CWC22: variants seen among roughly 807,000 people sequenced by gnomAD.
CWC22 encodes the protein CWC22 spliceosome associated protein, also known as pre-mRNA-splicing factor CWC22 homolog.
CWC22 carries 53 observed loss-of-function variants against 117.2 expected under a neutral mutation model. The ratio of observed to expected loss-of-function variants is 0.45; its 90% CI spans 0.36 to 0.57. The LOEUF is 0.57. CWC22 is among the 20% of genes least tolerant of loss of function. The probability of loss-of-function intolerance (pLI) is 0.00; values close to 1 mark genes in which losing one functional copy is unlikely to be tolerated. For missense variants in CWC22, 980 were observed against 1,068.8 expected (o/e 0.92, Z 1.16); for synonymous variants, 360 against 355.6 (o/e 1.01, Z -0.14).
At chr2:179,989,067 C>A (rs78040299) in intron 2 of CWC22, among the ~76,000 whole-genome samples, 1 of 151,834 alleles carries the variant, frequency 6.6e-6, no homozygotes, top group Non-Finnish European at 1.5e-5. Flanking sequence ...TTATCCCTAA[C>A]CACCCCCCTA....
chr2:179,969,651 T>G (rs1223144589), intron 11 of CWC22, among the ~76,000 whole-genome samples: 2 of 152,232 alleles, frequency 1.3e-5, no homozygotes, highest in East Asian at 3.8e-4. Flanking sequence ...ACTCTTTACA[T>G]TTCTATTATA....
At chr2:179,983,672 G>C (rs1687341869) in intron 4 of CWC22, among the ~76,000 whole-genome samples, 1 of 152,016 alleles carries the variant, frequency 6.6e-6, no homozygotes, top group South Asian at 2.1e-4. Context: ...TGAAACTGAG[G>C]TATAAGAGAC....
intron 11 of CWC22, 87 bp from the exon 12 acceptor site, chr2:179,966,069 G>T: frequency 9.9e-7 from 1 of 1,012,098 alleles, no homozygotes. Context: ...TCAGTTCGTT[G>T]AAATCCACTG....
At chr2:179,967,946 G>A (rs990183597) in intron 11 of CWC22, among the ~76,000 whole-genome samples, 28 of 152,032 alleles carry the variant, frequency 1.8e-4, no homozygotes, top group African/African-American at 6.5e-4. Flanking sequence ...CAATATCTGC[G>A]ATGATGAAAA....
In CWC22 at chr2:179,955,013, G is replaced by A. The variant is rs1686548596; in HGVS notation, c.1480C>T (p.Leu494Phe). The stretch of plus-strand genomic sequence containing the variant: ...GTCCTCTGTTGGGCACAGCAATCAA[G>A]TATCATGTTGCAGAGTTCTTTCTAT... ...SQTKELCNMI[L>F]DCCAQQRTYE... is the part of the protein sequence containing the mutation. Residue 494 changes from leucine to phenylalanine, a missense_variant, in exon 15 of 20, where the codon CTT (leucine) becomes TTT (phenylalanine). By Grantham distance (22) the Leu-to-Phe change is conservative. Coordinates refer to ENST00000410053, the MANE Select transcript of CWC22 (RefSeq NM_020943.3). 1 of 1,599,776 alleles carries A rather than the reference G, an allele frequency of 6.3e-7. No individual in the cohort carries two copies. The highest frequency in any genetic ancestry group is 1.1e-5 in the South Asian group (1 of 88,346).
intron 6 of CWC22, among the ~76,000 whole-genome samples, chr2:179,975,318 G>A (rs1032930509): frequency 5.3e-5 from 8 of 151,792 alleles, no homozygotes; most frequent in South Asian, 4.2e-4. Context: ...CATATATGAC[G>A]AACCCATAGC....
chr2:179,974,931 T>C (rs919821535), intron 6 of CWC22, among the ~76,000 whole-genome samples: 3 of 152,134 alleles, frequency 2.0e-5, no homozygotes, highest in South Asian at 2.1e-4. Context: ...GTATTTTTCA[T>C]AGAGACAGGT....
chr2:179,970,751 T>C lies in CWC22; in HGVS notation c.1046A>G (p.Asp349Gly). 1 of 1,613,714 alleles carries C rather than the reference T, an allele frequency of 6.2e-7. No homozygotes were observed. ...MFAVRKDGFK[D>G]HPIILEGLDL... is the part of the protein sequence containing the mutation. ...AAGACCTTCTAGGATAATGGGGTGG[T>C]CCTTGAATCCATCTTTCCGTACAGC... is the stretch of plus-strand genomic sequence containing the variant. The change falls in exon 10 of 20, where the codon GAC becomes GGC. Residue 349 changes from aspartate (D) to glycine (G), a missense_variant. By Grantham distance (94) the Asp-to-Gly change is moderately conservative. Around this residue, in one of 3 missense-constraint regions of CWC22, gnomAD observed 559 missense variants for 602.3 expected, o/e 0.93. Transcript: ENST00000410053.
In CWC22 at chr2:179,955,028, G is replaced by C. The variant is rs925459151; in HGVS notation, c.1465C>G (p.Leu489Val). The C allele has an allele frequency of 2.5e-6, 4 of 1,594,700 alleles. No individual in the cohort carries two copies. In the East Asian group the frequency reaches 9.0e-5, roughly 36 times the overall value. ...MEFPESQTKE[L>V]CNMILDCCAQ... is the part of the protein sequence containing the mutation. ...CAGCAATCAAGTATCATGTTGCAGA[G>C]TTCTTTCTATTTGGGAAAAAAAATA... The change falls in exon 15 of 20, where the codon CTC becomes GTC. Residue 489 changes from leucine to valine, a missense_variant. Leu to Val is a conservative substitution (Grantham distance 32, BLOSUM62 1). Coordinates refer to ENST00000410053, the MANE Select transcript of CWC22 (RefSeq NM_020943.3).
At chr2:179,960,648 G>A (rs1210460223) in intron 13 of CWC22, among the ~76,000 whole-genome samples, 1 of 151,910 alleles carries the variant, frequency 6.6e-6, no homozygotes, top group East Asian at 1.9e-4. Flanking sequence ...TTATAGATGA[G>A]AAAAATGAGA....
chr2:179,957,840 TAG>T (rs1027738491), intron 14 of CWC22, among the ~76,000 whole-genome samples: 1 of 47,980 alleles, frequency 2.1e-5, no homozygotes, highest in African/African-American at 8.1e-5. Context: ...TAATATACAT[TAG>T]AAAAAAAAAA....
At chr2:179,975,900 A>G (rs1687141853) in intron 6 of CWC22, among the ~76,000 whole-genome samples, 1 of 152,198 alleles carries the variant, frequency 6.6e-6, no homozygotes, top group Admixed American at 6.5e-5. Context: ...AAATAGAAAA[A>G]ACAATCCTAA....
chr2:180,006,141 A>C (rs1398039725), intron 1 of CWC22, among the ~76,000 whole-genome samples: 1 of 151,906 alleles, frequency 6.6e-6, no homozygotes, highest in East Asian at 1.9e-4. Flanking sequence ...CTGAGAACCA[A>C]GTTTGCTTGC....
intron 17 of CWC22, among the ~76,000 whole-genome samples, chr2:179,952,072 T>G (rs182718602): frequency 5.1e-4 from 77 of 152,136 alleles, no homozygotes; most frequent in Non-Finnish European, 5.6e-4. Flanking sequence ...AAGGCTCTAG[T>G]TCTATGTAAT....
At chr2:179,948,127 A>G (rs1037430848) in intron 19 of CWC22, among the ~76,000 whole-genome samples, 2 of 152,332 alleles carry the variant, frequency 1.3e-5, no homozygotes, top group Middle Eastern at 3.4e-3. Context: ...GCCAGATACA[A>G]TTTTAAAATG....
At chr2:179,955,251 T>G (rs16867119) in intron 14 of CWC22, among the ~76,000 whole-genome samples, 10,471 of 152,030 alleles carry the variant, frequency 0.069, 479 homozygotes, top group East Asian at 0.26. Flanking sequence ...TTATGCTAAT[T>G]ACATTAATTA....
rs529488359 is a variant in CWC22, at chr2:179,990,356, T to C, written c.28-1712A>G. 3.3e-5 allele frequency among the ~76,000 whole-genome samples: 5 copies of C among 152,256 alleles called. No homozygotes were observed. The South Asian group carries it at 8.3e-4, about 25-fold the overall frequency. On this transcript the variant is annotated intron_variant, in intron 2 of 19. Coordinates refer to ENST00000410053, the MANE Select transcript of CWC22 (RefSeq NM_020943.3). Reference sequence around the variant, plus strand: ...CATTCAATTCAATGGTAACATAAAATACAATATTTATACTGATCACTTATT... The same window carrying C: ...CATTCAATTCAATGGTAACATAAAACACAATATTTATACTGATCACTTATT...
At chr2:180,001,489 C>T (rs1256178486) in intron 1 of CWC22, among the ~76,000 whole-genome samples, 3 of 152,050 alleles carry the variant, frequency 2.0e-5, no homozygotes, top group Non-Finnish European at 4.4e-5. Flanking sequence ...CCACCATGCC[C>T]AGCTAATTTT....
intron 1 of CWC22, among the ~76,000 whole-genome samples, chr2:179,996,659 T>C (rs910252880): frequency 6.6e-6 from 1 of 151,278 alleles, no homozygotes; most frequent in Non-Finnish European, 1.5e-5. Context: ...GAGTGGGGTG[T>C]GGAGGATGAA....
Sources: gnomAD v4.1 joint callset for allele counts (sites outside exome capture counted in the v4.1 genomes callset) on GRCh38, gnomAD v4.1.1 for gene constraint, gnomAD v4.1.1 regional missense constraint, MANE v1.5 for transcripts, NCBI Gene and HGNC (gene_info 2026-07-23, HGNC 2026-07-21) for gene names.